WDR36: variants seen among roughly 807,000 people sequenced by gnomAD.
WDR36 encodes the protein WD repeat-containing protein 36.
In WDR36, 63 loss-of-function variants were observed where a neutral mutation model predicts 112.7. The observed-to-expected ratio is 0.56, with a 90% CI of 0.46 to 0.69. The LOEUF (loss-of-function observed/expected upper bound fraction) is 0.69. Among genes scored for constraint, WDR36 ranks in the 30% least tolerant of loss-of-function variants. WDR36 has a pLI of 0.00. For synonymous variants in WDR36, 410 were observed against 362.2 expected (o/e 1.13, Z -1.50); for missense variants, 1,226 against 1,070.3 (o/e 1.15, Z -2.03).
intron 6 of WDR36, among the ~76,000 whole-genome samples, chr5:111,102,605 CT>C (rs760392466): frequency 2.0e-5 from 3 of 151,580 alleles, no homozygotes; most frequent in Non-Finnish European, 4.4e-5. Context: ...TATTGGAGTC[CT>C]TTGTGCTTAT....
chr5:111,093,065 G>T (rs1430984341), intron 1 of WDR36, among the ~76,000 whole-genome samples: 2 of 152,210 alleles, frequency 1.3e-5, no homozygotes, highest in Non-Finnish European at 2.9e-5. Flanking sequence ...ATTAATTACC[G>T]TTAGGGAAAA....
intron 16 of WDR36, 99 bp downstream of exon 16, chr5:111,113,252 C>A: frequency 3.1e-6 from 2 of 654,856 alleles, no homozygotes; most frequent in Non-Finnish European, 5.3e-6. Flanking sequence ...TATGCTTTTT[C>A]AATGTGACTA....
chr5:111,117,053 TA>T (rs1753470669), intron 16 of WDR36, among the ~76,000 whole-genome samples: 1 of 152,198 alleles, frequency 6.6e-6, no homozygotes, highest in Admixed American at 6.5e-5. Context: ...TGACTTAACA[TA>T]AATAATTTAA....
In WDR36 at chr5:111,126,823, G is replaced by T. The variant is rs1753686701; in HGVS notation, c.2628G>T (p.Leu876Phe). 1.2e-6 allele frequency: 2 copies of T among 1,613,496 alleles called. No individual in the cohort carries two copies. Among genetic ancestry groups the T allele is most frequent in the Non-Finnish European group, 1.7e-6 (2 of 1,179,822 alleles). The change falls in exon 23 of 23, where the codon TTG becomes TTT. Residue 876 changes from leucine (L) to phenylalanine (F), a missense_variant. Leu to Phe is a conservative substitution (Grantham distance 22, BLOSUM62 0). Transcript: ENST00000513710. ...AGGTGGAAGAAAACTGGACCCATTTGCAATCACTCTTCAATCAAAGCATGT... is the reference window on the plus strand; with the variant it reads ...AGGTGGAAGAAAACTGGACCCATTTTCAATCACTCTTCAATCAAAGCATGT... Reference protein sequence around the residue: ...SSQVEENWTHLQSLFNQSMCI... With the variant: ...SSQVEENWTHFQSLFNQSMCI...
Position 111,125,745 on chromosome 5 carries a change from A to G in WDR36, c.2488A>G (p.Arg830Gly). 9 of 1,613,958 alleles carry G rather than the reference A, an allele frequency of 5.6e-6. No homozygotes were observed. Among genetic ancestry groups the G allele is most frequent in the African/African-American group, 1.3e-5 (1 of 75,032 alleles). The change falls in exon 22 of 23, where the codon AGA (arginine) becomes GGA (glycine). Residue 830 changes from arginine (R) to glycine (G), a missense_variant. Transcript: ENST00000513710. Reference sequence around the variant, plus strand: ...GAAAATGATTGGGATGATGCTGGACAGAAAGCGTGATTTTGAGTTAGCCCA... The same window carrying G: ...GAAAATGATTGGGATGATGCTGGACGGAAAGCGTGATTTTGAGTTAGCCCA... ...FLKMIGMMLDRKRDFELAQAY... is the reference protein window; with the variant it reads ...FLKMIGMMLDGKRDFELAQAY...
At position 111,129,511 on chromosome 5, in the gene WDR36, A is replaced by C. The variant is rs1753744581; in HGVS notation, c.*2628A>C. On this transcript the variant is annotated 3_prime_UTR_variant, in exon 23 of 23. Coordinates refer to ENST00000513710, the MANE Select transcript of WDR36 (RefSeq NM_139281.3). The stretch of plus-strand genomic sequence containing the variant: ...TATTTTTGTATGTTTATTTTAGAAC[A>C]TATAAACATTTGTTAATTTTCTTTT... 1 of 195,902 alleles carries C rather than the reference A, an allele frequency of 5.1e-6. No homozygotes were observed. Among genetic ancestry groups the C allele is most frequent in the Non-Finnish European group, 1.1e-5 (1 of 94,206 alleles). The allele number at this position is 195,902 out of a possible 1,614,324, so 12.1% of individuals were successfully genotyped here.
Position 111,110,710 on chromosome 5 carries a change from A to C in WDR36, c.1442-78A>C, listed in dbSNP as rs543542923. Reference sequence around the variant, plus strand: ...AGTGGCACCTTACATATTTGAATGAAGGAATCACTGTGTGTATTGTTCAGA... The same window carrying C: ...AGTGGCACCTTACATATTTGAATGACGGAATCACTGTGTGTATTGTTCAGA... On this transcript the variant is annotated intron_variant, in intron 13 of 22. Transcript: ENST00000513710. The C allele has an allele frequency of 2.1e-4, 304 of 1,464,388 alleles. No homozygotes were observed. In the African/African-American group the frequency reaches 3.7e-3, roughly 18 times the overall value. The allele number at this position is 1,464,388 out of a possible 1,614,324, so 90.7% of individuals were successfully genotyped here. A position where few individuals can be genotyped will look rare whatever the true frequency, so the allele number is the denominator to read the frequency against.
At chr5:111,110,072 A>G in intron 12 of WDR36, 117 bp from the exon 13 acceptor site, 1 of 735,234 alleles carries the variant, frequency 1.4e-6, no homozygotes, top group South Asian at 1.5e-5. Flanking sequence ...GAAGCAATTC[A>G]TTTATTGTTC....
Position 111,097,140 on chromosome 5 carries a change from T to A in WDR36, c.252T>A (p.Ala84=), listed in dbSNP as rs1753009446. The change falls in exon 3 of 23, where the codon GCT becomes GCA. Residue 84 remains alanine, a synonymous_variant. Transcript: ENST00000513710. ...MAADGRLVFA[A]YGNVFSAFAR... is the part of the protein sequence containing the mutation. ...CTGATGGCAGATTAGTCTTTGCTGCTTATGGAAATGTTTTCTCTGCATTTG... is the reference window on the plus strand; with the variant it reads ...CTGATGGCAGATTAGTCTTTGCTGCATATGGAAATGTTTTCTCTGCATTTG... 6.2e-7 allele frequency: 1 copy of A among 1,613,702 alleles called. No homozygotes were observed. The highest frequency in any genetic ancestry group is 1.1e-5 in the South Asian group (1 of 91,076).
chr5:111,099,527 GTTCTTGTTTCAGATTAGTAACCCTT>G (rs1457913458), intron 4 of WDR36, among the ~76,000 whole-genome samples: 1 of 129,680 alleles, frequency 7.7e-6, no homozygotes, highest in East Asian at 2.3e-4. Flanking sequence ...ATTATTCCAG[GTTCTTGTTTCAGATTAGTAACCCTT>G]TTCTTGTTTT....
At chr5:111,119,607 A>AAC (rs1300152044) in intron 17 of WDR36, among the ~76,000 whole-genome samples, 21 of 152,146 alleles carry the variant, frequency 1.4e-4, no homozygotes, top group African/African-American at 5.1e-4. Flanking sequence ...TGAACCTGTA[A>AAC]GGGACTGTCA....
At chr5:111,104,965 C>T in intron 9 of WDR36, 148 bp downstream of exon 9, 1 of 1,209,816 alleles carries the variant, frequency 8.3e-7, no homozygotes, top group Non-Finnish European at 1.2e-6. Flanking sequence ...TCCTTTTTGT[C>T]TACTTGAGAA....
intron 20 of WDR36, 51 bp from the exon 21 acceptor site, chr5:111,124,057 T>C (rs753863230): frequency 6.9e-6 from 11 of 1,603,128 alleles, no homozygotes; most frequent in Non-Finnish European, 9.4e-6. Flanking sequence ...ACTATACATT[T>C]TTGGGTGATA....
rs1472192321 is a variant in WDR36, at chr5:111,127,696, TA to T, written c.*814del. The T allele has an allele frequency of 4.7e-6, 1 of 211,234 alleles. No individual in the cohort carries two copies. Among genetic ancestry groups the T allele is most frequent in the Non-Finnish European group, 9.6e-6 (1 of 104,140 alleles). 13.1% of individuals were successfully genotyped at this position (211,234 alleles called of 1,614,324 possible). On this transcript the variant is annotated 3_prime_UTR_variant, in exon 23 of 23. Coordinates refer to ENST00000513710, the MANE Select transcript of WDR36 (RefSeq NM_139281.3). ...CTTCCTTGCCCAAGGCAAGTCGCTG[TA>T]GATGGTTAAACTGATACCAAGGATA...
Position 111,125,786 on chromosome 5 carries a change from G to C in WDR36, c.2529G>C (p.Leu843Phe), listed in dbSNP as rs1753668857. Residue 843 changes from leucine to phenylalanine, a missense_variant, in exon 22 of 23, where the codon TTG (leucine) becomes TTC (phenylalanine). Leu to Phe is a conservative substitution (Grantham distance 22). Coordinates refer to ENST00000513710, the MANE Select transcript of WDR36 (RefSeq NM_139281.3). Reference protein sequence around the residue: ...DFELAQAYLALFLKLHLKMLP... With the variant: ...DFELAQAYLAFFLKLHLKMLP... ...AGTTAGCCCAGGCATACCTTGCATTGTTTCTAAAGGTAAGTCTAATGTAAG... is the reference window on the plus strand; with the variant it reads ...AGTTAGCCCAGGCATACCTTGCATTCTTTCTAAAGGTAAGTCTAATGTAAG... The C allele has an allele frequency of 6.2e-7, 1 of 1,613,562 alleles. No individual in the cohort carries two copies. The highest frequency in any genetic ancestry group is 1.7e-5 in the Admixed American group (1 of 59,984).
At chr5:111,095,873 T>C (rs6888074) in intron 2 of WDR36, among the ~76,000 whole-genome samples, 2,110 of 152,258 alleles carry the variant, frequency 0.014, 41 homozygotes, top group African/African-American at 0.049. Flanking sequence ...AACTATCTAA[T>C]AGAATAAAAC....
chr5:111,105,973 C>T lies in WDR36; in HGVS notation c.1094-84C>T, dbSNP rs112620572. Reference sequence around the variant, plus strand: ...GGGAATATCTTGTACTTTATAGTTACAAGACTGATAGCTTTTCTTTTATAT... The same window carrying T: ...GGGAATATCTTGTACTTTATAGTTATAAGACTGATAGCTTTTCTTTTATAT... On this transcript the variant is annotated intron_variant, in intron 10 of 22. Transcript: ENST00000513710. 2,436 of 1,073,662 alleles carry T rather than the reference C, an allele frequency of 2.3e-3. 38 individuals carry two copies. In the African/African-American group the frequency reaches 0.034, roughly 15 times the overall value. The allele number at this position is 1,073,662 out of a possible 1,614,324, so 66.5% of individuals were successfully genotyped here.
At chr5:111,099,324 T>C (rs1753063515) in intron 4 of WDR36, among the ~76,000 whole-genome samples, 1 of 150,624 alleles carries the variant, frequency 6.6e-6, no homozygotes, top group African/African-American at 2.4e-5. Flanking sequence ...TCTTTAAACA[T>C]GAAGAATTTA....
intron 2 of WDR36, 50 bp from the exon 3 acceptor site, chr5:111,097,029 C>CT: frequency 7.2e-7 from 1 of 1,391,566 alleles, no homozygotes; most frequent in Non-Finnish European, 1.0e-6. Flanking sequence ...TGAGGTTTCT[C>CT]TTTAACATCT....
Sources: allele counts gnomAD v4.1 joint callset (sites outside exome capture counted in the v4.1 genomes callset), GRCh38; gene constraint gnomAD v4.1.1; transcripts MANE v1.5; gene names NCBI Gene and HGNC (gene_info 2026-07-23, HGNC 2026-07-21).